DPP10: variants seen among roughly 807,000 people sequenced by gnomAD.
DPP10 encodes inactive dipeptidyl peptidase 10.
A neutral mutation model predicts 120.9 loss-of-function variants in DPP10; 33 were observed. That is an observed-to-expected ratio of 0.27 (90% CI 0.21 to 0.37). The LOEUF is 0.37. Ranked by LOEUF, DPP10 falls within the 10% of genes least tolerant of loss-of-function variation. The pLI, the probability that DPP10 is intolerant of heterozygous loss-of-function variation, is 1.00. For synonymous variants in DPP10, 337 were observed against 326.1 expected, an observed-to-expected ratio of 1.03 and a Z score of -0.36; for missense variants, 816 against 942.8, an observed-to-expected ratio of 0.87 and a Z score of 1.76.
In DPP10 at chr2:114,449,469, C is replaced by CT. The variant is rs75538905; in HGVS notation, c.60+6646dup. 9.1e-3 allele frequency among the ~76,000 whole-genome samples: 1,268 copies of CT among 139,852 alleles called. 17 individuals carry two copies. The highest frequency in any genetic ancestry group is 0.025 in the African/African-American group (982 of 38,722). 91.7% of individuals were successfully genotyped at this position (139,852 alleles called of 152,430 possible). A position where few individuals can be genotyped will look rare whatever the true frequency, so the allele number is the denominator to read the frequency against. ...TTCTTCATAGCACTCTGATGTTTTT[C>CT]TTTTTTTTTTTTTTTATAGTTACCA... On this transcript the variant is annotated intron_variant, in intron 1 of 25. Coordinates refer to ENST00000410059, the MANE Select transcript of DPP10 (RefSeq NM_020868.6).
chr2:115,543,057 A>G (rs1172087611), intron 5 of DPP10, among the ~76,000 whole-genome samples: 3 of 151,950 alleles, frequency 2.0e-5, no homozygotes, highest in Admixed American at 2.0e-4. Context: ...ATTACTTTTC[A>G]TCATCCATGA....
At chr2:115,825,322 C>T (rs1228220287) in intron 21 of DPP10, among the ~76,000 whole-genome samples, 1 of 152,144 alleles carries the variant, frequency 6.6e-6, no homozygotes, top group Admixed American at 6.5e-5. Flanking sequence ...CTCCATTAAC[C>T]ATTCACTCAA....
intron 1 of DPP10, among the ~76,000 whole-genome samples, chr2:115,003,458 C>A (rs1365229234): frequency 6.6e-6 from 1 of 151,972 alleles, no homozygotes; most frequent in African/African-American, 2.4e-5. Flanking sequence ...ACACGAAACC[C>A]CCATGACATG....
intron 1 of DPP10, among the ~76,000 whole-genome samples, chr2:114,719,026 C>T (rs141839782): frequency 3.9e-5 from 6 of 152,312 alleles, no homozygotes; most frequent in East Asian, 1.9e-4. Flanking sequence ...TCAAAGAGAC[C>T]AAATTCAAAG....
chr2:115,806,875 A>G (rs1440141739), intron 19 of DPP10, among the ~76,000 whole-genome samples: 1 of 151,914 alleles, frequency 6.6e-6, no homozygotes, highest in African/African-American at 2.4e-5. Flanking sequence ...AAGCATGTAG[A>G]ATATTTTCCA....
At chr2:114,732,150 A>G (rs935179779) in intron 1 of DPP10, among the ~76,000 whole-genome samples, 5 of 152,188 alleles carry the variant, frequency 3.3e-5, no homozygotes, top group Non-Finnish European at 5.9e-5. Flanking sequence ...TAAAATTACA[A>G]GTATTCCCTA....
chr2:115,664,133 C>T (rs72828515), intron 5 of DPP10, among the ~76,000 whole-genome samples: 30,940 of 151,670 alleles, frequency 0.2, 3,946 homozygotes, highest in Admixed American at 0.35. Flanking sequence ...ATTTAAATTA[C>T]TGCCTACTTC....
chr2:114,789,619 T>C (rs1683074115), intron 1 of DPP10, among the ~76,000 whole-genome samples: 1 of 152,176 alleles, frequency 6.6e-6, no homozygotes, highest in Non-Finnish European at 1.5e-5. Context: ...AGCCCTGATT[T>C]AGAAGATACT....
intron 3 of DPP10, among the ~76,000 whole-genome samples, chr2:115,481,748 C>T (rs1052444702): frequency 6.6e-6 from 1 of 151,990 alleles, no homozygotes; most frequent in Admixed American, 6.6e-5. Context: ...TTTCAGGGTT[C>T]ATCTATCTTG....
chr2:115,370,288 T>C (rs1427983699), intron 3 of DPP10, among the ~76,000 whole-genome samples: 1 of 152,088 alleles, frequency 6.6e-6, no homozygotes, highest in Non-Finnish European at 1.5e-5. Flanking sequence ...TACTTGAAGG[T>C]CAGTCATTTT....
intron 5 of DPP10, among the ~76,000 whole-genome samples, chr2:115,684,818 A>G (rs79151068): frequency 0.02 from 2,999 of 152,050 alleles, 90 homozygotes; most frequent in African/African-American, 0.067. Flanking sequence ...AAGACAATTT[A>G]CATTTTTAAT....
At chr2:115,181,809 A>T (rs185240547) in intron 1 of DPP10, among the ~76,000 whole-genome samples, 70 of 152,346 alleles carry the variant, frequency 4.6e-4, no homozygotes, top group African/African-American at 1.6e-3. Context: ...AAAACAACAG[A>T]ACTGTATCTG....
chr2:114,731,540 C>T (rs761218682), intron 1 of DPP10, among the ~76,000 whole-genome samples: 3 of 152,074 alleles, frequency 2.0e-5, no homozygotes, highest in South Asian at 2.1e-4. Context: ...AAGTGTCCAA[C>T]GTGTGACCAG....
At chr2:115,088,178 T>G (rs1708884777) in intron 1 of DPP10, among the ~76,000 whole-genome samples, 1 of 152,168 alleles carries the variant, frequency 6.6e-6, no homozygotes, top group South Asian at 2.1e-4. Context: ...TCTCATGACC[T>G]AATCACCTCC....
At chr2:115,510,607 A>G (rs2077174096) in intron 4 of DPP10, among the ~76,000 whole-genome samples, 1 of 152,072 alleles carries the variant, frequency 6.6e-6, no homozygotes, top group Non-Finnish European at 1.5e-5. Flanking sequence ...CTCTTTTTCA[A>G]AATTGGATTT....
chr2:114,690,534 T>C (rs1699668511), intron 1 of DPP10, among the ~76,000 whole-genome samples: 1 of 152,114 alleles, frequency 6.6e-6, no homozygotes, highest in Admixed American at 6.6e-5. Flanking sequence ...CCTCCAGCTT[T>C]GTTCTTTTGC....
chr2:114,626,553 A>C (rs769077358), intron 1 of DPP10, among the ~76,000 whole-genome samples: 6 of 152,096 alleles, frequency 3.9e-5, no homozygotes, highest in Non-Finnish European at 8.8e-5. Context: ...TGGTCACTAA[A>C]TTCATGCATT....
intron 5 of DPP10, among the ~76,000 whole-genome samples, chr2:115,600,967 CT>C (rs2083287379): frequency 6.6e-6 from 1 of 152,124 alleles, no homozygotes. Context: ...TTGAATTGGG[CT>C]TTTTAGAGTT....
chr2:115,284,950 T>A lies in DPP10; in HGVS notation c.61-24289T>A, dbSNP rs369519406. ...TTAATGATGTTTCTTACCCACTGTGTTTTAGCATCTAAGATATGGATGTGT... is the reference window on the plus strand; with the variant it reads ...TTAATGATGTTTCTTACCCACTGTGATTTAGCATCTAAGATATGGATGTGT... On this transcript the variant is annotated intron_variant, in intron 1 of 25. Coordinates refer to ENST00000410059, the MANE Select transcript of DPP10 (RefSeq NM_020868.6). Among the ~76,000 whole-genome samples, 36 of 152,192 alleles carry A rather than the reference T, an allele frequency of 2.4e-4. 2 individuals carry two copies. Among genetic ancestry groups the A allele is most frequent in the East Asian group, 2.3e-3 (12 of 5,178 alleles).
Sources: gnomAD v4.1 joint callset for allele counts (sites outside exome capture counted in the v4.1 genomes callset) on GRCh38, gnomAD v4.1.1 for gene constraint, MANE v1.5 for transcripts, NCBI Gene and HGNC (gene_info 2026-07-23, HGNC 2026-07-21) for gene names.